The following DNAI2 variants were observed in gnomAD, a reference collection of about 807,000 sequenced individuals.
DNAI2 encodes the protein dynein, axonemal, intermediate polypeptide 2.
In DNAI2, 63 loss-of-function variants were observed where a neutral mutation model predicts 74.7. That is an observed-to-expected ratio of 0.84 (90% CI 0.69 to 1.04). DNAI2 has a LOEUF of 1.04. Ranked by LOEUF, DNAI2 falls within the 50% of genes least tolerant of loss-of-function variation. The pLI is 0.00. For missense variants in DNAI2, 688 were observed against 803.2 expected, an observed-to-expected ratio of 0.86 and a Z score of 1.73; for synonymous variants, 289 against 314.9, an observed-to-expected ratio of 0.92 and a Z score of 0.87.
At chr17:74,311,883 G>A in intron 11 of DNAI2, 120 bp from the exon 12 acceptor site, 3 of 959,058 alleles carry the variant, frequency 3.1e-6, no homozygotes, top group Non-Finnish European at 4.9e-6. Flanking sequence ...GACCTCTACA[G>A]TACAGGGACT....
At chr17:74,302,166 C>T (rs891348392) in intron 8 of DNAI2, among the ~76,000 whole-genome samples, 12 of 152,246 alleles carry the variant, frequency 7.9e-5, no homozygotes, top group African/African-American at 2.9e-4. Context: ...CGCCGTGGCT[C>T]ACACCTGTAA....
chr17:74,311,340 G>A (rs1366155709), intron 11 of DNAI2, among the ~76,000 whole-genome samples: 2 of 152,164 alleles, frequency 1.3e-5, no homozygotes, highest in African/African-American at 2.4e-5. Context: ...AGGGCCGGGT[G>A]TGGTGGCTCA....
intron 6 of DNAI2, among the ~76,000 whole-genome samples, chr17:74,291,533 G>T (rs576756991): frequency 6.6e-6 from 1 of 152,160 alleles, no homozygotes; most frequent in Admixed American, 6.5e-5. Flanking sequence ...GCCTGGGCTC[G>T]GCCACAGAAG....
chr17:74,280,986 G>T (rs1444776371), intron 1 of DNAI2, among the ~76,000 whole-genome samples: 1 of 150,798 alleles, frequency 6.6e-6, no homozygotes. Flanking sequence ...TACTTGGGAG[G>T]CTGAGGTGGG....
chr17:74,311,875 C>T (rs1280028054), intron 11 of DNAI2, 128 bp from the exon 12 acceptor site: 27 of 893,890 alleles, frequency 3.0e-5, no homozygotes, highest in Non-Finnish European at 4.6e-5. Flanking sequence ...TGGGTACAGA[C>T]CTCTACAGTA....
intron 6 of DNAI2, among the ~76,000 whole-genome samples, chr17:74,291,348 G>A (rs1354618813): frequency 6.6e-6 from 1 of 152,076 alleles, no homozygotes; most frequent in East Asian, 1.9e-4. Context: ...ATTTTTAGTA[G>A]AGACAGGGTT....
At chr17:74,289,535 G>C (rs914653730) in intron 4 of DNAI2, 59 bp from the exon 5 acceptor site, 123 of 1,554,744 alleles carry the variant, frequency 7.9e-5, no homozygotes, top group Non-Finnish European at 1.0e-4. Flanking sequence ...AAAAAAAAAA[G>C]GGGGAGAAAT....
intron 6 of DNAI2, among the ~76,000 whole-genome samples, chr17:74,291,505 G>C (rs755098942): frequency 1.5e-4 from 23 of 152,272 alleles, no homozygotes; most frequent in Non-Finnish European, 2.8e-4. Flanking sequence ...GCTGCTATAG[G>C]GCAGAGCCCA....
intron 8 of DNAI2, among the ~76,000 whole-genome samples, chr17:74,304,186 C>CTTTTTTTTTTTTTTTT (rs56696514): frequency 2.2e-4 from 15 of 67,634 alleles, no homozygotes; most frequent in Non-Finnish European, 2.7e-4. Context: ...TTTCTTTTTT[C>CTTTTTTTTTTTTTTTT]TTTTTTTTTT....
Position 74,310,179 on chromosome 17 carries a change from C to G in DNAI2, c.1494+16C>G, listed in dbSNP as rs1426450319. On this transcript the variant is annotated intron_variant, in intron 11 of 13. Coordinates refer to ENST00000311014, the MANE Select transcript of DNAI2 (RefSeq NM_023036.6). ...AGCCTCTTCCGTAAGCACCGGGTGC[C>G]TGGGGAAAATCCCTCCAGCACGTCC... 6.2e-7 allele frequency: 1 copy of G among 1,612,788 alleles called. No individual in the cohort carries two copies. Among genetic ancestry groups the G allele is most frequent in the South Asian group, 1.1e-5 (1 of 91,062 alleles).
chr17:74,290,873 G>C (rs536074555), intron 5 of DNAI2, 147 bp from the exon 6 acceptor site: 1 of 781,814 alleles, frequency 1.3e-6, no homozygotes, highest in Non-Finnish European at 2.3e-6. Flanking sequence ...GGACCAGGGG[G>C]TGCAGGCTGG....
intron 2 of DNAI2, among the ~76,000 whole-genome samples, chr17:74,284,216 T>C (rs1598275877): frequency 8.9e-6 from 1 of 111,894 alleles, no homozygotes; most frequent in African/African-American, 3.3e-5. Context: ...TGAGAGACCC[T>C]CTCTTAAAAA....
intron 6 of DNAI2, 45 bp downstream of exon 6, chr17:74,291,178 T>A (rs1440535707): frequency 1.3e-6 from 2 of 1,491,024 alleles, no homozygotes; most frequent in Admixed American, 1.7e-5. Context: ...TTATTTTTTT[T>A]AGATGGAATT....
chr17:74,275,188 C>G (rs754485412), intron 1 of DNAI2, among the ~76,000 whole-genome samples: 1 of 152,190 alleles, frequency 6.6e-6, no homozygotes, highest in Admixed American at 6.5e-5. Context: ...ACAGTCTTTC[C>G]GTCAAGGAGA....
chr17:74,294,991 G>A (rs996591492), intron 6 of DNAI2, among the ~76,000 whole-genome samples: 6 of 151,810 alleles, frequency 4.0e-5, no homozygotes, highest in Non-Finnish European at 5.9e-5. Flanking sequence ...CCATCTTCAC[G>A]TTCAGTGATT....
At chr17:74,292,147 G>A (rs1016527941) in intron 6 of DNAI2, among the ~76,000 whole-genome samples, 3 of 152,188 alleles carry the variant, frequency 2.0e-5, no homozygotes, top group East Asian at 1.9e-4. Context: ...TTACTGGCGT[G>A]AGCCACCATG....
At chr17:74,311,567 C>T (rs746567136) in intron 11 of DNAI2, among the ~76,000 whole-genome samples, 32 of 152,284 alleles carry the variant, frequency 2.1e-4, no homozygotes, top group Middle Eastern at 3.4e-3. Context: ...GAGCCGAGAT[C>T]GTGCCATTGC....
rs184887767 is a variant in DNAI2, at chr17:74,314,178, G to T, written c.1780G>T (p.Glu594Ter). The T allele has an allele frequency of 1.2e-6, 2 of 1,614,206 alleles. No homozygotes were observed. The highest frequency in any genetic ancestry group is 1.3e-5 in the African/African-American group (1 of 75,070). ...GGAGGAGGGAGAGGAAGCAGCGGGG[G>T]AAGAAGGGGATGAAGAAGTGGAAGA... The part of the protein sequence containing the change: ...VVEEGEEAAG[E>*]EGDEEVEEDL... Residue 594 changes from glutamate (E) to a stop codon, truncating the protein, a stop_gained, in exon 13 of 14, where the codon GAA becomes TAA. Coordinates refer to ENST00000311014, the MANE Select transcript of DNAI2 (RefSeq NM_023036.6). LOFTEE classifies it high-confidence loss of function.
chr17:74,278,558 A>G (rs1415596027), intron 1 of DNAI2, among the ~76,000 whole-genome samples: 3 of 152,200 alleles, frequency 2.0e-5, no homozygotes. Context: ...TCTGGATGCA[A>G]GTTCTTTATC....
Sources: gnomAD v4.1 joint callset for allele counts (sites outside exome capture counted in the v4.1 genomes callset) on GRCh38, gnomAD v4.1.1 for gene constraint, MANE v1.5 for transcripts, NCBI Gene and HGNC (gene_info 2026-07-23, HGNC 2026-07-21) for gene names.